The following SLC39A11 variants were observed in gnomAD, a reference collection of about 807,000 sequenced individuals.
The protein encoded by SLC39A11 is solute carrier family 39 member 11, also known as zinc transporter ZIP11.
SLC39A11 carries 33 observed loss-of-function variants against 36.1 expected under a neutral mutation model. That is an observed-to-expected ratio of 0.91 (90% CI 0.69 to 1.22). The LOEUF is 1.22. SLC39A11 is among the 50% of genes most tolerant of loss of function. The pLI is 0.00. For missense variants in SLC39A11, 432 were observed against 430.3 expected, an observed-to-expected ratio of 1.00 and a Z score of -0.03; for synonymous variants, 166 against 170.3, an observed-to-expected ratio of 0.97 and a Z score of 0.20.
At chr17:72,869,729 G>C (rs1184365294) in intron 5 of SLC39A11, among the ~76,000 whole-genome samples, 5 of 152,138 alleles carry the variant, frequency 3.3e-5, no homozygotes, top group African/African-American at 1.2e-4. Flanking sequence ...AAAGCACATA[G>C]AGAAAAGAAA....
chr17:72,909,577 T>C (rs2082855069), intron 5 of SLC39A11, among the ~76,000 whole-genome samples: 1 of 152,100 alleles, frequency 6.6e-6, no homozygotes. Flanking sequence ...ACTGTCTATT[T>C]GTGTCTTTTT....
chr17:73,083,267 C>T (rs769063644), intron 3 of SLC39A11, among the ~76,000 whole-genome samples: 9 of 152,080 alleles, frequency 5.9e-5, no homozygotes, highest in African/African-American at 1.7e-4. Context: ...GGGAAGAGAA[C>T]GTATGGAAGC....
chr17:72,960,676 G>T (rs979951718), intron 4 of SLC39A11, among the ~76,000 whole-genome samples: 3 of 150,536 alleles, frequency 2.0e-5, no homozygotes, highest in Non-Finnish European at 2.9e-5. Flanking sequence ...TAAAAAGCGG[G>T]TATAGTGGCA....
At chr17:72,926,691 C>A (rs1328128901) in intron 5 of SLC39A11, among the ~76,000 whole-genome samples, 1 of 152,080 alleles carries the variant, frequency 6.6e-6, no homozygotes, top group Admixed American at 6.6e-5. Flanking sequence ...GGAGCCCAAT[C>A]TCGTTTGCCA....
intron 7 of SLC39A11, among the ~76,000 whole-genome samples, chr17:72,736,084 T>G (rs967059451): frequency 6.6e-6 from 1 of 152,144 alleles, no homozygotes; most frequent in African/African-American, 2.4e-5. Flanking sequence ...TTGGGTATCA[T>G]CAGCAAACAC....
At chr17:72,844,694 A>C (rs2078974367) in intron 6 of SLC39A11, among the ~76,000 whole-genome samples, 2 of 152,086 alleles carry the variant, frequency 1.3e-5, no homozygotes, top group Admixed American at 6.6e-5. Context: ...AAAACAAAAA[A>C]CATTCATGGG....
intron 3 of SLC39A11, among the ~76,000 whole-genome samples, chr17:73,044,508 A>G (rs2059208098): frequency 6.6e-6 from 1 of 152,246 alleles, no homozygotes; most frequent in African/African-American, 2.4e-5. Context: ...CTCTGTGGTT[A>G]GAAGTCATTA....
chr17:73,024,257 A>G (rs927375568), intron 4 of SLC39A11, among the ~76,000 whole-genome samples: 4 of 152,206 alleles, frequency 2.6e-5, no homozygotes, highest in Non-Finnish European at 5.9e-5. Context: ...CAGAAATTTC[A>G]ACAATAGCTC....
At chr17:72,858,232 A>G (rs1242929602) in intron 5 of SLC39A11, among the ~76,000 whole-genome samples, 1 of 152,162 alleles carries the variant, frequency 6.6e-6, no homozygotes, top group Non-Finnish European at 1.5e-5. Context: ...TTGAATAGGA[A>G]GTCCTTTCCC....
chr17:72,649,427 C>T (rs1213534965), intron 7 of SLC39A11, among the ~76,000 whole-genome samples, 159 bp from the exon 8 acceptor site: 1 of 152,218 alleles, frequency 6.6e-6, no homozygotes, highest in Admixed American at 6.5e-5. Flanking sequence ...GGACGTGTGT[C>T]TAGGTAAAGA....
At chr17:72,849,171 G>A (rs2079181921) in intron 6 of SLC39A11, among the ~76,000 whole-genome samples, 1 of 152,214 alleles carries the variant, frequency 6.6e-6, no homozygotes, top group African/African-American at 2.4e-5. Context: ...TGAGTCAGCT[G>A]AGGAAGAGGA....
intron 7 of SLC39A11, among the ~76,000 whole-genome samples, chr17:72,656,425 G>A (rs2070122849): frequency 6.6e-6 from 1 of 152,180 alleles, no homozygotes. Context: ...GCCTGACTGA[G>A]AGCAACAAGG....
intron 4 of SLC39A11, among the ~76,000 whole-genome samples, chr17:73,016,338 A>ATT (rs11293390): frequency 5.5e-5 from 8 of 144,926 alleles, no homozygotes; most frequent in South Asian, 2.2e-4. Context: ...CAGAAAGTTG[A>ATT]TTTTTTTTTT....
intron 4 of SLC39A11, among the ~76,000 whole-genome samples, chr17:73,026,335 G>A (rs1317961838): frequency 6.6e-6 from 1 of 151,688 alleles, no homozygotes; most frequent in Non-Finnish European, 1.5e-5. Flanking sequence ...ACCAGCCATG[G>A]TGAAACCCCA....
intron 6 of SLC39A11, among the ~76,000 whole-genome samples, chr17:72,769,688 G>A (rs1051398666): frequency 6.6e-6 from 1 of 152,168 alleles, no homozygotes; most frequent in Middle Eastern, 3.4e-3. Flanking sequence ...GCGACTACAG[G>A]TGCGTGCCAC....
chr17:73,059,893 A>G lies in SLC39A11; in HGVS notation c.147+24915T>C, dbSNP rs181888338. On this transcript the variant is annotated intron_variant, in intron 3 of 9. Transcript: ENST00000255559. The stretch of plus-strand genomic sequence containing the variant: ...TAAGAAGGTTGTAGGAGGTTTGTGG[A>G]CGGTGAATCATGTGAAAGAAATTTT... 7.4e-4 allele frequency among the ~76,000 whole-genome samples: 113 copies of G among 152,260 alleles called. 1 individual carries two copies. Among genetic ancestry groups the G allele is most frequent in the Non-Finnish European group, 6.5e-4 (44 of 68,010 alleles).
chr17:72,900,201 GAAAGAAAGAAAGAA>G (rs2082309925), intron 5 of SLC39A11, among the ~76,000 whole-genome samples: 2 of 144,600 alleles, frequency 1.4e-5, no homozygotes, highest in East Asian at 3.9e-4. Context: ...AAGAAAGAAA[GAAAGAAAGAAAGAA>G]AGAAAGAAAG....
chr17:73,078,559 T>C (rs1237429488), intron 3 of SLC39A11, among the ~76,000 whole-genome samples: 1 of 151,802 alleles, frequency 6.6e-6, no homozygotes, highest in Non-Finnish European at 1.5e-5. Flanking sequence ...CAATCTCGGC[T>C]CACTGCAACC....
chr17:73,037,456 C>T (rs1207612908), intron 3 of SLC39A11, among the ~76,000 whole-genome samples: 2 of 152,208 alleles, frequency 1.3e-5, no homozygotes, highest in Non-Finnish European at 2.9e-5. Context: ...AGAAGCAGGG[C>T]CTGGAACGGG....
Sources: gnomAD v4.1 joint callset for allele counts (sites outside exome capture counted in the v4.1 genomes callset) on GRCh38, gnomAD v4.1.1 for gene constraint, MANE v1.5 for transcripts, NCBI Gene and HGNC (gene_info 2026-07-23, HGNC 2026-07-21) for gene names.